Variants in PCDH15 observed in about 807,000 individuals in gnomAD.
The protein encoded by PCDH15 is protocadherin related 15, also known as protocadherin-15.
PCDH15 carries 129 observed loss-of-function variants against 178.5 expected under a neutral mutation model. That is an observed-to-expected ratio of 0.72 (90% confidence interval 0.63 to 0.84). PCDH15 has a LOEUF of 0.84. PCDH15 is among the 40% of genes least tolerant of loss of function. PCDH15 has a pLI of 0.00. For missense variants in PCDH15, 2,230 were observed against 2,099.9 expected (o/e 1.06, Z -1.21); for synonymous variants, 800 against 732.0 (o/e 1.09, Z -1.50).
chr10:55,452,802 C>G (rs1206195694), intron 2 of PCDH15, among the ~76,000 whole-genome samples: 1 of 152,010 alleles, frequency 6.6e-6, no homozygotes, highest in Non-Finnish European at 1.5e-5. Flanking sequence ...ACTAACCTAG[C>G]TACTGAAATA....
At chr10:54,534,149 A>T (rs756116497) in intron 2 of PCDH15, among the ~76,000 whole-genome samples, 1 of 152,158 alleles carries the variant, frequency 6.6e-6, no homozygotes, top group African/African-American at 2.4e-5. Flanking sequence ...CCTTATTTTC[A>T]TTAGGAATAT....
At chr10:55,023,869 A>C (rs1236087980) in intron 2 of PCDH15, among the ~76,000 whole-genome samples, 2 of 97,836 alleles carry the variant, frequency 2.0e-5, no homozygotes, top group Non-Finnish European at 4.6e-5. Flanking sequence ...ATTCCTTCCT[A>C]TATATATACA....
chr10:53,945,245 C>T (rs112336609), intron 23 of PCDH15, among the ~76,000 whole-genome samples: 4 of 152,158 alleles, frequency 2.6e-5, no homozygotes, highest in African/African-American at 9.6e-5. Context: ...ATTTATACTT[C>T]CTCCCAGAAA....
intron 21 of PCDH15, among the ~76,000 whole-genome samples, chr10:53,992,258 A>G (rs2091562837): frequency 6.6e-6 from 1 of 152,148 alleles, no homozygotes; most frequent in African/African-American, 2.4e-5. Context: ...AAGAAACTCC[A>G]AACACGTCTG....
chr10:55,407,311 A>C (rs1199823896), intron 2 of PCDH15, among the ~76,000 whole-genome samples: 1 of 152,166 alleles, frequency 6.6e-6, no homozygotes, highest in East Asian at 1.9e-4. Context: ...GAAAAAGAGT[A>C]GGGAATGTCT....
At position 55,608,329 on chromosome 10, in the gene PCDH15, G is replaced by T. The variant is rs553215581; in HGVS notation, c.-156+19296C>A. On this transcript the variant is annotated intron_variant, in intron 2 of 5. Coordinates refer to the PCDH15 transcript ENST00000613346. ...AGGGAAGGGGAGGGGGAAGAGGGGA[G>T]AGGAGAGATAATAAAATACAGCAGG... is the stretch of plus-strand genomic sequence containing the variant. Among the ~76,000 whole-genome samples, 8 of 151,124 alleles carry T rather than the reference G, an allele frequency of 5.3e-5. No homozygotes were observed. The East Asian group carries it at 1.6e-3, about 30-fold the overall frequency.
chr10:54,208,665 A>G (rs770836424), intron 10 of PCDH15, among the ~76,000 whole-genome samples: 4 of 151,918 alleles, frequency 2.6e-5, no homozygotes, highest in Admixed American at 6.6e-5. Context: ...GTTGTTTATA[A>G]TCCACCCAGT....
chr10:54,142,186 T>A (rs1301477361), intron 14 of PCDH15, among the ~76,000 whole-genome samples: 2 of 152,162 alleles, frequency 1.3e-5, no homozygotes, highest in East Asian at 3.8e-4. Flanking sequence ...ATAAGTAGTA[T>A]CTGCTAAGCT....
At chr10:55,412,080 G>C (rs906752066) in intron 2 of PCDH15, among the ~76,000 whole-genome samples, 36 of 151,938 alleles carry the variant, frequency 2.4e-4, no homozygotes, top group African/African-American at 8.7e-4. Context: ...ATGATGATCA[G>C]AGGGGCAAAT....
chr10:54,285,553 A>G (rs980029072), intron 8 of PCDH15, among the ~76,000 whole-genome samples: 1 of 152,176 alleles, frequency 6.6e-6, no homozygotes, highest in Non-Finnish European at 1.5e-5. Flanking sequence ...AATATTATCA[A>G]ATAGACAAAA....
intron 3 of PCDH15, among the ~76,000 whole-genome samples, chr10:54,434,304 TGTACA>T (rs1253255328): frequency 6.6e-6 from 1 of 152,206 alleles, no homozygotes; most frequent in African/African-American, 2.4e-5. Context: ...TCTACAGTAA[TGTACA>T]GTAATGTCCT....
intron 1 of PCDH15, among the ~76,000 whole-genome samples, chr10:54,761,059 C>G (rs967089028): frequency 6.6e-6 from 1 of 152,036 alleles, no homozygotes; most frequent in South Asian, 2.1e-4. Context: ...GAGCCTCAAA[C>G]AGCATTATTA....
At chr10:54,666,186 TAAAA>T (rs57347251) in intron 1 of PCDH15, among the ~76,000 whole-genome samples, 132,966 of 152,070 alleles carry the variant, frequency 0.87, 58,796 homozygotes, top group Middle Eastern at 0.93. Context: ...AAGCTTAATA[TAAAA>T]GACTCAGCAT....
chr10:55,622,654 A>T (rs1837431099), intron 2 of PCDH15, among the ~76,000 whole-genome samples: 1 of 152,182 alleles, frequency 6.6e-6, no homozygotes, highest in East Asian at 1.9e-4. Context: ...TAACCAAAGA[A>T]GTACAATTCT....
intron 3 of PCDH15, among the ~76,000 whole-genome samples, chr10:54,822,383 T>G (rs1412625519): frequency 6.6e-6 from 1 of 152,140 alleles, no homozygotes; most frequent in African/African-American, 2.4e-5. Flanking sequence ...TGAAACCATG[T>G]GCTATTTGTC....
chr10:54,211,966 T>A (rs1391125476), intron 10 of PCDH15, among the ~76,000 whole-genome samples: 1 of 130,992 alleles, frequency 7.6e-6, no homozygotes, highest in Non-Finnish European at 1.6e-5. Context: ...CTTCCATTAA[T>A]AAAAGAAAGT....
chr10:55,074,623 T>C (rs535692829), intron 2 of PCDH15, among the ~76,000 whole-genome samples: 1 of 152,254 alleles, frequency 6.6e-6, no homozygotes, highest in Non-Finnish European at 1.5e-5. Context: ...TTAGATCTTT[T>C]CAGATGGATA....
At chr10:54,892,195 T>C (rs1954475519) in intron 3 of PCDH15, among the ~76,000 whole-genome samples, 4 of 152,122 alleles carry the variant, frequency 2.6e-5, no homozygotes, top group Non-Finnish European at 4.4e-5. Flanking sequence ...CGATCAATTA[T>C]ATAATTGGAT....
intron 13 of PCDH15, among the ~76,000 whole-genome samples, chr10:54,174,812 C>T (rs1292296103): frequency 1.5e-4 from 22 of 148,012 alleles, no homozygotes; most frequent in African/African-American, 5.5e-4. Context: ...CCCGCTTCAG[C>T]CTCCTGAGGT....
Sources: gnomAD v4.1 joint callset for allele counts (sites outside exome capture counted in the v4.1 genomes callset) on GRCh38, gnomAD v4.1.1 for gene constraint, MANE v1.5 for transcripts, NCBI Gene and HGNC (gene_info 2026-07-23, HGNC 2026-07-21) for gene names.